The following DSC1 variants were observed in gnomAD, a reference collection of about 807,000 sequenced individuals.
DSC1 encodes desmocollin 1, also known as desmocollin-1.
In DSC1, 79 loss-of-function variants were observed where a neutral mutation model predicts 98.8. The ratio of observed to expected loss-of-function variants is 0.80; its 90% CI spans 0.67 to 0.96. The LOEUF (loss-of-function observed/expected upper bound fraction) is 0.96. Ranked by LOEUF, DSC1 falls within the 50% of genes least tolerant of loss-of-function variation. DSC1 has a pLI of 0.00. For synonymous variants in DSC1, 405 were observed against 372.1 expected, an observed-to-expected ratio of 1.09 and a Z score of -1.02; for missense variants, 1,115 against 1,075.9, an observed-to-expected ratio of 1.04 and a Z score of -0.51.
In DSC1 at chr18:31,157,379, C is replaced by T; in HGVS notation, c.343G>A (p.Glu115Lys). 1 of 1,614,130 alleles carries T rather than the reference C, an allele frequency of 6.2e-7. No individual in the cohort carries two copies. ...AAGCCCTTGCCTTATACCTTGTTTT[C>T]TCTTGCTGACAGTACAACTTTTATC... is the stretch of plus-strand genomic sequence containing the variant. ...QEIKVVLSAR[E>K]NKSPKKRHTK... Residue 115 changes from glutamate to lysine, a missense_variant, in exon 3 of 16, where the codon GAA becomes AAA. Glu to Lys is a moderately conservative substitution (Grantham distance 56). Coordinates refer to ENST00000257198, the MANE Select transcript of DSC1 (RefSeq NM_024421.2).
rs140362700 is a variant in DSC1, at chr18:31,130,601, G to A, written c.2598C>T (p.Ser866=). The part of the protein sequence containing the change: ...GSLAGSVGCC[S]DRQEEEGLEF... ...CCAGTCCCTCTTCTTCCTGCCGATC[G>A]CTGCAGCAACCTACTGAGCCGGCCA... Residue 866 remains serine, a synonymous_variant, in exon 16 of 16, where the codon AGC becomes AGT. Coordinates refer to ENST00000257198, the MANE Select transcript of DSC1 (RefSeq NM_024421.2). The A allele has an allele frequency of 6.6e-5, 106 of 1,614,074 alleles. No homozygotes were observed. The African/African-American group carries it at 1.2e-3, about 18-fold the overall frequency.
At chr18:31,134,973 T>C (rs969300412) in intron 11 of DSC1, among the ~76,000 whole-genome samples, 189 bp from the exon 12 acceptor site, 3 of 152,162 alleles carry the variant, frequency 2.0e-5, no homozygotes, top group Non-Finnish European at 4.4e-5. Flanking sequence ...AGACTAGGGC[T>C]GGATCAGATA....
At chr18:31,137,342 A>C (rs908107771) in intron 11 of DSC1, among the ~76,000 whole-genome samples, 1 of 152,194 alleles carries the variant, frequency 6.6e-6, no homozygotes, top group Non-Finnish European at 1.5e-5. Flanking sequence ...AAAATAAAGA[A>C]GCACTTAATA....
At chr18:31,148,444 C>G in intron 6 of DSC1, 54 bp downstream of exon 6, 2 of 1,498,416 alleles carry the variant, frequency 1.3e-6, no homozygotes, top group Non-Finnish European at 1.8e-6. Context: ...AATTATAATA[C>G]TTACGAAATG....
At chr18:31,136,543 T>G (rs1013515455) in intron 11 of DSC1, among the ~76,000 whole-genome samples, 1 of 152,144 alleles carries the variant, frequency 6.6e-6, no homozygotes, top group African/African-American at 2.4e-5. Context: ...ATGATTTAAA[T>G]GGAAGGCAAT....
At chr18:31,132,523 C>T in intron 14 of DSC1, 45 bp downstream of exon 14, 1 of 1,603,828 alleles carries the variant, frequency 6.2e-7, no homozygotes, top group Non-Finnish European at 8.5e-7. Context: ...AATCTGTCAT[C>T]ATTTGTTCAC....
At chr18:31,156,299 T>C in intron 3 of DSC1, 137 bp from the exon 4 acceptor site, 1 of 1,005,854 alleles carries the variant, frequency 9.9e-7, no homozygotes, top group African/African-American at 1.6e-5. Flanking sequence ...AGCATTTCTA[T>C]TGATAAAACA....
chr18:31,138,444 G>A (rs1736438905), intron 11 of DSC1, among the ~76,000 whole-genome samples: 1 of 152,020 alleles, frequency 6.6e-6, no homozygotes, highest in Non-Finnish European at 1.5e-5. Context: ...TATCGTGTAA[G>A]AATTTGGCCT....
Position 31,154,930 on chromosome 18 carries a change from C to A in DSC1, c.472-1G>T, listed in dbSNP as rs1989067071. The A allele has an allele frequency of 6.2e-7, 1 of 1,612,334 alleles. No homozygotes were observed. Among genetic ancestry groups the A allele is most frequent in the East Asian group, 2.2e-5 (1 of 44,808 alleles). On this transcript the variant is annotated splice_acceptor_variant, in intron 4 of 15. Transcript: ENST00000257198. LOFTEE classifies it high-confidence loss of function. ...AATTCTGTGCAGCATCAGATTGGAT[C>A]TGCAGTAATAATTTAGGAATAGAAC...
chr18:31,148,045 C>A (rs749408011), intron 6 of DSC1, among the ~76,000 whole-genome samples: 2 of 152,012 alleles, frequency 1.3e-5, no homozygotes, highest in Non-Finnish European at 2.9e-5. Flanking sequence ...GTGTAAATCC[C>A]CTGTAATATT....
In DSC1 at chr18:31,134,631, G is replaced by T; in HGVS notation, c.1817C>A (p.Pro606His). 6.2e-7 allele frequency: 1 copy of T among 1,612,740 alleles called. No homozygotes were observed. Among genetic ancestry groups the T allele is most frequent in the African/African-American group, 1.3e-5 (1 of 74,958 alleles). ...AGAATTATCCAGAAAGAATTGAAAA[G>T]GTGGTCCATTTTCAGGTCCATCTGG... ...VDPDGPENGP[P>H]FQFFLDNSAS... Residue 606 changes from proline to histidine, a missense_variant, in exon 12 of 16, where the codon CCT (proline) becomes CAT (histidine). Pro to His is a moderately conservative substitution (Grantham distance 77). Coordinates refer to ENST00000257198, the MANE Select transcript of DSC1 (RefSeq NM_024421.2).
intron 9 of DSC1, among the ~76,000 whole-genome samples, chr18:31,140,925 T>A (rs141743864): frequency 7.8e-4 from 118 of 152,254 alleles, no homozygotes; most frequent in African/African-American, 2.8e-3. Context: ...GGGCCAGTCT[T>A]TCCTGTGCTA....
intron 6 of DSC1, among the ~76,000 whole-genome samples, chr18:31,147,731 T>TTA (rs1988875940): frequency 6.6e-6 from 1 of 152,082 alleles, no homozygotes; most frequent in South Asian, 2.1e-4. Flanking sequence ...AACACTGATA[T>TTA]TATAAGATTT....
chr18:31,130,632 C>A lies in DSC1; in HGVS notation c.2567G>T (p.Gly856Val), dbSNP rs371175351. 49 of 1,614,036 alleles carry A rather than the reference C, an allele frequency of 3.0e-5. No homozygotes were observed. In the East Asian group the frequency reaches 1.0e-3, roughly 33 times the overall value. ...GCAACCTACTGAGCCGGCCAGAGAA[C>A]CTTTGCCTTCATAGTTATACGAACA... ...YVCSYNYEGK[G>V]SLAGSVGCCS... Residue 856 changes from glycine (G) to valine (V), a missense_variant, in exon 16 of 16, where the codon GGT (glycine) becomes GTT (valine). Transcript: ENST00000257198.
At chr18:31,157,006 C>T (rs904163624) in intron 3 of DSC1, among the ~76,000 whole-genome samples, 3 of 152,174 alleles carry the variant, frequency 2.0e-5, no homozygotes, top group Non-Finnish European at 2.9e-5. Flanking sequence ...GGAAGAGAGC[C>T]GCACAGGGTG....
intron 5 of DSC1, 72 bp downstream of exon 5, chr18:31,154,702 C>G (rs1478849250): frequency 7.9e-7 from 1 of 1,269,406 alleles, no homozygotes; most frequent in African/African-American, 1.5e-5. Flanking sequence ...AATATGTAAA[C>G]AAGCATAGTT....
intron 11 of DSC1, 125 bp downstream of exon 11, chr18:31,139,623 A>G: frequency 9.7e-7 from 1 of 1,029,820 alleles, no homozygotes. Context: ...ATCCAATAAC[A>G]TGAACAATAA....
chr18:31,144,057 C>T (rs1041986686), intron 7 of DSC1, among the ~76,000 whole-genome samples: 7 of 151,902 alleles, frequency 4.6e-5, no homozygotes, highest in African/African-American at 1.7e-4. Flanking sequence ...GTGCAGGCGC[C>T]CACCACCACA....
Position 31,159,448 on chromosome 18 carries a change from T to C in DSC1, c.145A>G (p.Lys49Glu). ...AACTGTTAATAGTGTTTCTCACCTT[T>C]GCCTACAAGTGTTTCAGCCTGAAGA... is the stretch of plus-strand genomic sequence containing the variant. ...SHLQAETLVG[K>E]VNLEECLKSA... The change falls in exon 2 of 16, where the codon AAA (lysine) becomes GAA (glutamate). Residue 49 changes from lysine (K) to glutamate (E), a missense_variant. Lys to Glu is a moderately conservative substitution (Grantham distance 56, BLOSUM62 1). Transcript: ENST00000257198. The C allele has an allele frequency of 1.2e-6, 2 of 1,612,836 alleles. No homozygotes were observed. The highest frequency in any genetic ancestry group is 1.7e-6 in the Non-Finnish European group (2 of 1,179,436).
Sources: gnomAD v4.1 joint callset for allele counts (sites outside exome capture counted in the v4.1 genomes callset) on GRCh38, gnomAD v4.1.1 for gene constraint, MANE v1.5 for transcripts, NCBI Gene and HGNC (gene_info 2026-07-23, HGNC 2026-07-21) for gene names.